EML6: variants seen among roughly 807,000 people sequenced by gnomAD.
EML6 encodes echinoderm microtubule-associated protein-like 6.
Under a neutral mutation model 240.1 loss-of-function variants are expected in EML6, and 154 were observed. The observed-to-expected ratio is 0.64, with a 90% CI of 0.56 to 0.73. The LOEUF (loss-of-function observed/expected upper bound fraction) is 0.73. EML6 is among the 30% of genes least tolerant of loss of function. The pLI is 0.00. For synonymous variants in EML6, 1,148 were observed against 899.0 expected (o/e 1.28, Z -4.95); for missense variants, 2,964 against 2,474.6 (o/e 1.20, Z -4.20).
chr2:54,799,340 C>A (rs1669990171), intron 2 of EML6, among the ~76,000 whole-genome samples: 1 of 151,964 alleles, frequency 6.6e-6, no homozygotes, highest in Non-Finnish European at 1.5e-5. Context: ...GGATTACAGG[C>A]ATGAGCCACC....
chr2:54,870,712 C>G (rs114158968), intron 15 of EML6, among the ~76,000 whole-genome samples: 2,921 of 152,036 alleles, frequency 0.019, 89 homozygotes, highest in African/African-American at 0.066. Context: ...ACATAAATCC[C>G]CAAGGAGTTA....
At chr2:54,814,128 G>A (rs568247489) in intron 3 of EML6, among the ~76,000 whole-genome samples, 2 of 152,318 alleles carry the variant, frequency 1.3e-5, no homozygotes, top group Non-Finnish European at 2.9e-5. Context: ...ACACTTTGTA[G>A]GTGGGCATTC....
chr2:54,827,187 G>GTT (rs1190355961), intron 5 of EML6, among the ~76,000 whole-genome samples: 1 of 152,132 alleles, frequency 6.6e-6, no homozygotes, highest in Non-Finnish European at 1.5e-5. Context: ...ACTTATCTGT[G>GTT]TTTCTAAACC....
In EML6 at chr2:54,869,361, T is replaced by G. The variant is rs1671137215; in HGVS notation, c.2232T>G (p.Thr744=). The change falls in exon 15 of 42, where the codon ACT becomes ACG. Residue 744 remains threonine, a synonymous_variant. Coordinates refer to ENST00000356458, the MANE Select transcript of EML6 (RefSeq NM_001039753.4). The part of the protein sequence containing the change: ...TIHPVKDYVA[T]GQVGRDAAIH... ...ATCCAGTGAAGGACTATGTGGCTAC[T>G]GGGCAGGTATCTATCTCCTGTAAAC... 4 of 1,548,210 alleles carry G rather than the reference T, an allele frequency of 2.6e-6. No homozygotes were observed. The highest frequency in any genetic ancestry group is 3.5e-6 in the Non-Finnish European group (4 of 1,144,480).
In EML6 at chr2:54,813,408, AGTT is replaced by A; in HGVS notation, c.357+21_357+23del. 1 of 1,546,830 alleles carries A rather than the reference AGTT, an allele frequency of 6.5e-7. No homozygotes were observed. The highest frequency in any genetic ancestry group is 8.7e-7 in the Non-Finnish European group (1 of 1,143,606). On this transcript the variant is annotated intron_variant, in intron 3 of 41. Transcript: ENST00000356458. Reference sequence around the variant, plus strand: ...GATGGACAGGTGTGTATCTTTTTTTAGTTGTTTTATTTAATGACTTCTCACAAC... The same window carrying A: ...GATGGACAGGTGTGTATCTTTTTTTAGTTTTATTTAATGACTTCTCACAAC...
chr2:54,895,273 G>C lies in EML6; in HGVS notation c.2855G>C (p.Gly952Ala), dbSNP rs1303660991. Residue 952 changes from glycine to alanine, a missense_variant and splice_region_variant, in exon 21 of 42, where the codon GGC becomes GCC. Gly to Ala is a moderately conservative substitution (Grantham distance 60). Coordinates refer to ENST00000356458, the MANE Select transcript of EML6 (RefSeq NM_001039753.4). Reference sequence around the variant, plus strand: ...TTAAATATACCATCCCCTTCCCCAGGCTTGCTTTTGGAAGATAACCCTTCA... The same window carrying C: ...TTAAATATACCATCCCCTTCCCCAGCCTTGCTTTTGGAAGATAACCCTTCA... ...KRSALSTSSK[G>A]LLLEDNPSIR... 6.4e-7 allele frequency: 1 copy of C among 1,551,382 alleles called. No individual in the cohort carries two copies. The highest frequency in any genetic ancestry group is 8.7e-7 in the Non-Finnish European group (1 of 1,146,864).
chr2:54,890,796 T>C (rs1672425715), intron 17 of EML6, among the ~76,000 whole-genome samples: 1 of 152,230 alleles, frequency 6.6e-6, no homozygotes, highest in Non-Finnish European at 1.5e-5. Flanking sequence ...CAATATGTTT[T>C]AAATATTTCA....
At chr2:54,771,503 A>G (rs1485739437) in intron 2 of EML6, among the ~76,000 whole-genome samples, 2 of 152,224 alleles carry the variant, frequency 1.3e-5, no homozygotes, top group Non-Finnish European at 2.9e-5. Flanking sequence ...TTCTATTGCT[A>G]ATTGCATAAA....
intron 2 of EML6, among the ~76,000 whole-genome samples, chr2:54,812,156 T>G (rs1667879241): frequency 6.6e-6 from 1 of 152,184 alleles, no homozygotes; most frequent in African/African-American, 2.4e-5. Flanking sequence ...TACTCTAGAT[T>G]GACTATATCA....
At chr2:54,735,423 C>T (rs1414202707) in intron 2 of EML6, among the ~76,000 whole-genome samples, 2 of 152,192 alleles carry the variant, frequency 1.3e-5, no homozygotes, top group African/African-American at 2.4e-5. Flanking sequence ...TCATTTTATA[C>T]ATACTTCGTG....
Position 54,950,722 on chromosome 2 carries a change from G to A in EML6, c.4156G>A (p.Gly1386Ser), listed in dbSNP as rs918818927. 14 of 1,551,640 alleles carry A rather than the reference G, an allele frequency of 9.0e-6. No homozygotes were observed. In the East Asian group the frequency reaches 3.4e-4, roughly 38 times the overall value. The change falls in exon 30 of 42, where the codon GGC becomes AGC. Residue 1386 changes from glycine (G) to serine (S), a missense_variant. Coordinates refer to ENST00000356458, the MANE Select transcript of EML6 (RefSeq NM_001039753.4). The stretch of plus-strand genomic sequence containing the variant: ...AAATAACCTGCATTACCTTAATGAT[G>A]GCGCTGACATCATCTTCCACACAGC... ...CRNNLHYLND[G>S]ADIIFHTAAA...
intron 2 of EML6, among the ~76,000 whole-genome samples, chr2:54,793,504 A>G (rs1041045438): frequency 1.3e-5 from 2 of 151,428 alleles, no homozygotes. Context: ...CAATTCAAGG[A>G]AGGCAAATGG....
In EML6 at chr2:54,742,885, C is replaced by G. The variant is rs567705381; in HGVS notation, c.197+17627C>G. Reference sequence around the variant, plus strand: ...TCACTGAATTTCATCATTGATAGGTCTTTGGAAACTGTGACTTTAAACAAA... The same window carrying G: ...TCACTGAATTTCATCATTGATAGGTGTTTGGAAACTGTGACTTTAAACAAA... On this transcript the variant is annotated intron_variant, in intron 2 of 41. Transcript: ENST00000356458. Among the ~76,000 whole-genome samples the G allele has an allele frequency of 6.6e-5, 10 of 152,310 alleles. No homozygotes were observed. In the South Asian group the frequency reaches 2.1e-3, roughly 32 times the overall value.
At chr2:54,766,200 A>G (rs1188011382) in intron 2 of EML6, among the ~76,000 whole-genome samples, 1 of 152,246 alleles carries the variant, frequency 6.6e-6, no homozygotes, top group Non-Finnish European at 1.5e-5. Flanking sequence ...AGCTTTCAAA[A>G]TCAATAAAAT....
intron 12 of EML6, among the ~76,000 whole-genome samples, chr2:54,860,079 A>C (rs1345324883): frequency 6.6e-6 from 1 of 152,108 alleles, no homozygotes; most frequent in African/African-American, 2.4e-5. Flanking sequence ...CTGAGAAAAC[A>C]TCCACATTGG....
In EML6 at chr2:54,936,589, G is replaced by C. The variant is rs1205203158; in HGVS notation, c.4004+7838G>C. 2.6e-5 allele frequency among the ~76,000 whole-genome samples: 4 copies of C among 152,022 alleles called. No homozygotes were observed. In the East Asian group the frequency reaches 5.8e-4, roughly 22 times the overall value. On this transcript the variant is annotated intron_variant, in intron 28 of 41. Transcript: ENST00000356458. ...TCACTTAACCTTTATGTTTTGAAGA[G>C]GATACAATAATTAGCTCAAGGATTG...
At chr2:54,776,095 C>T (rs1668586082) in intron 2 of EML6, among the ~76,000 whole-genome samples, 1 of 152,114 alleles carries the variant, frequency 6.6e-6, no homozygotes, top group African/African-American at 2.4e-5. Flanking sequence ...GTTATACCAG[C>T]CTCACAGGGG....
chr2:54,952,492 A>C, intron 30 of EML6, 102 bp from the exon 31 acceptor site: 1 of 662,810 alleles, frequency 1.5e-6, no homozygotes, highest in Non-Finnish European at 2.5e-6. Context: ...GTAAGCTCTC[A>C]CTTTTATAAG....
intron 26 of EML6, among the ~76,000 whole-genome samples, chr2:54,925,193 C>T (rs1674477108): frequency 6.6e-6 from 1 of 152,170 alleles, no homozygotes; most frequent in Admixed American, 6.5e-5. Flanking sequence ...TCTCCACACA[C>T]ACACCGCCCG....
Sources: gnomAD v4.1 joint callset for allele counts (sites outside exome capture counted in the v4.1 genomes callset) on GRCh38, gnomAD v4.1.1 for gene constraint, MANE v1.5 for transcripts, NCBI Gene and HGNC (gene_info 2026-07-23, HGNC 2026-07-21) for gene names.